The following ZBTB17 variants were observed in gnomAD, a reference collection of about 807,000 sequenced individuals.
ZBTB17 encodes zinc finger and BTB domain-containing protein 17.
In ZBTB17, 24 loss-of-function variants were observed where a neutral mutation model predicts 85.1. That is an observed-to-expected ratio of 0.28 (90% CI 0.20 to 0.40). ZBTB17 has a LOEUF of 0.40. Ranked by LOEUF, ZBTB17 falls within the 10% of genes least tolerant of loss-of-function variation. ZBTB17 has a pLI of 1.00. For missense variants in ZBTB17, 743 were observed against 1,105.1 expected (o/e 0.67, Z 4.65); for synonymous variants, 464 against 460.2 (o/e 1.01, Z -0.11).
chr1:15,944,120 G>C, intron 9 of ZBTB17, 180 bp downstream of exon 9: 1 of 1,112,794 alleles, frequency 9.0e-7, no homozygotes, highest in South Asian at 1.3e-5. Flanking sequence ...CCTGCCCTCC[G>C]CAGAGCAACC....
rs1175386958 is a variant in ZBTB17 at position 15,945,143 on chromosome 1, CTTGCTCCTCTTGCTCCTT to C, written c.703_720del (p.Lys235_Gln240del). 1.1e-5 allele frequency: 17 copies of C among 1,585,070 alleles called. No homozygotes were observed. Among genetic ancestry groups the C allele is most frequent in the Admixed American group, 1.8e-5 (1 of 55,754 alleles). The stretch of plus-strand genomic sequence containing the variant: ...TCAGCTGGCCCTGCGCCCTCCTCCT[CTTGCTCCTCTTGCTCCTT>C]TTGCTCCTCTTCCCCTTTCCGGGCG... On this transcript the variant is annotated inframe_deletion, in exon 7 of 16. Coordinates refer to ENST00000375743, the MANE Select transcript of ZBTB17 (RefSeq NM_003443.3).
chr1:15,941,930 C>T lies in ZBTB17; in HGVS notation c.*39G>A. 4 of 1,563,500 alleles carry T rather than the reference C, an allele frequency of 2.6e-6. No homozygotes were observed. The highest frequency in any genetic ancestry group is 3.5e-6 in the Non-Finnish European group (4 of 1,158,782). On this transcript the variant is annotated 3_prime_UTR_variant, in exon 16 of 16. Transcript: ENST00000375743. ...GGCCACCCTTCCCGGTTCCAGGGTG[C>T]CATCCATCCTTAAATAAACAGTCAG... is the stretch of plus-strand genomic sequence containing the variant.
rs1377001561 is a variant in ZBTB17 at position 15,952,586 on chromosome 1, A to G, written c.-2-4089T>C. Among the ~76,000 whole-genome samples, 1 of 152,254 alleles carries G rather than the reference A, an allele frequency of 6.6e-6. No individual in the cohort carries two copies. ...TGGATGGCCCAGAGACGACTCTGAC[A>G]TCAGGATGCTGGGACTGTGCCAATT... On this transcript the variant is annotated intron_variant, in intron 2 of 15. Transcript: ENST00000375743. This position sits in a 1 kb window ranked among gnomAD's most constrained non-coding sequence, Gnocchi z 4.3.
intron 2 of ZBTB17, among the ~76,000 whole-genome samples, chr1:15,960,701 C>A (rs1223792533): frequency 6.6e-6 from 1 of 152,214 alleles, no homozygotes; most frequent in Non-Finnish European, 1.5e-5. Context: ...AGAACAATCA[C>A]AAAGGAAGGG....
At chr1:15,970,312 G>A (rs1304294101) in intron 2 of ZBTB17, 2 of 246,736 alleles carry the variant, frequency 8.1e-6, no homozygotes, top group African/African-American at 2.3e-5. Context: ...CTGATGCTGA[G>A]AAGGAAAAAT....
chr1:15,957,178 CAAAAAAA>C (rs34574727), intron 2 of ZBTB17, among the ~76,000 whole-genome samples: 1 of 87,386 alleles, frequency 1.1e-5, no homozygotes, highest in Non-Finnish European at 2.4e-5. Flanking sequence ...GACTCCATCT[CAAAAAAA>C]AAAAAAAAAA....
At position 15,945,848 on chromosome 1, in the gene ZBTB17, G is replaced by A. The variant is rs2071581843; in HGVS notation, c.536-8C>T. ...TCTCTGTCTGCTCTGCACCTGGGTG[G>A]GGGAAGCACCGGAGGCTGGATTGCT... is the stretch of plus-strand genomic sequence containing the variant. On this transcript the variant is annotated splice_region_variant and splice_polypyrimidine_tract_variant and intron_variant, in intron 5 of 15. Coordinates refer to ENST00000375743, the MANE Select transcript of ZBTB17 (RefSeq NM_003443.3). 1 of 1,589,788 alleles carries A rather than the reference G, an allele frequency of 6.3e-7. No individual in the cohort carries two copies. Among genetic ancestry groups the A allele is most frequent in the African/African-American group, 1.3e-5 (1 of 74,826 alleles).
intron 2 of ZBTB17, among the ~76,000 whole-genome samples, chr1:15,949,895 TA>T (rs1441490474): frequency 2.0e-5 from 3 of 152,002 alleles, no homozygotes; most frequent in African/African-American, 7.3e-5. Context: ...ACGCAACAAA[TA>T]ACGGGGAGCA....
In ZBTB17 at chr1:15,953,193, T is replaced by G. The variant is rs1396513140; in HGVS notation, c.-2-4696A>C. Among the ~76,000 whole-genome samples, 1 of 151,616 alleles carries G rather than the reference T, an allele frequency of 6.6e-6. No individual in the cohort carries two copies. Among genetic ancestry groups the G allele is most frequent in the Non-Finnish European group, 1.5e-5 (1 of 68,022 alleles). ...TTAAAAAAATGTATTTTTTTTTTTT[T>G]GTAGAAGCAGGATTTCACCATGTTG... is the stretch of plus-strand genomic sequence containing the variant. On this transcript the variant is annotated intron_variant, in intron 2 of 15. Coordinates refer to ENST00000375743, the MANE Select transcript of ZBTB17 (RefSeq NM_003443.3). This position sits in a 1 kb window ranked among gnomAD's most constrained non-coding sequence, Gnocchi z 5.1.
At chr1:15,962,514 T>A (rs969649388) in intron 2 of ZBTB17, among the ~76,000 whole-genome samples, 3 of 152,036 alleles carry the variant, frequency 2.0e-5, no homozygotes, top group African/African-American at 7.2e-5. Flanking sequence ...ACTAATACAG[T>A]CACCCCCATT....
At chr1:15,965,068 C>G (rs575277786) in intron 2 of ZBTB17, among the ~76,000 whole-genome samples, 12 of 150,580 alleles carry the variant, frequency 8.0e-5, no homozygotes, top group African/African-American at 2.7e-4. Context: ...GAGCTGAGAT[C>G]GCGCCACTGC....
chr1:15,969,642 C>T lies in ZBTB17; in HGVS notation c.-3+3397G>A. On this transcript the variant is annotated intron_variant, in intron 2 of 15. Coordinates refer to ENST00000375743, the MANE Select transcript of ZBTB17 (RefSeq NM_003443.3). ...CAGGGCAGGGAGATGATAAATTGAC[C>T]ATTATCTCAGGATGTCTCTTTCTGA... The T allele has an allele frequency of 1.3e-5, 6 of 448,188 alleles. 1 individual carries two copies. Among genetic ancestry groups the T allele is most frequent in the Middle Eastern group, 1.3e-3 (2 of 1,482 alleles). The allele number at this position is 448,188 out of a possible 1,614,324, so 27.8% of individuals were successfully genotyped here.
chr1:15,971,780 A>G (rs1039001526), intron 2 of ZBTB17, among the ~76,000 whole-genome samples: 1 of 151,920 alleles, frequency 6.6e-6, no homozygotes, highest in Non-Finnish European at 1.5e-5. Flanking sequence ...TGTCATCCCT[A>G]TTTTACAGAT....
At chr1:15,974,110 G>A (rs1570233619) in intron 1 of ZBTB17, among the ~76,000 whole-genome samples, 1 of 151,074 alleles carries the variant, frequency 6.6e-6, no homozygotes, top group East Asian at 1.9e-4. Context: ...AGGATCACTT[G>A]AGTTCAGATC....
chr1:15,956,962 C>T (rs1044483699), intron 2 of ZBTB17, among the ~76,000 whole-genome samples: 31 of 152,048 alleles, frequency 2.0e-4, no homozygotes, highest in Non-Finnish European at 3.7e-4. Flanking sequence ...GGGTGGATCA[C>T]GAGGTCAGGA....
At chr1:15,950,467 T>G (rs1168679782) in intron 2 of ZBTB17, among the ~76,000 whole-genome samples, 1 of 152,150 alleles carries the variant, frequency 6.6e-6, no homozygotes, top group Non-Finnish European at 1.5e-5. Flanking sequence ...AGCACACAGG[T>G]GTGTGGGTGG....
At chr1:15,949,999 T>C (rs1274459346) in intron 2 of ZBTB17, among the ~76,000 whole-genome samples, 1 of 152,094 alleles carries the variant, frequency 6.6e-6, no homozygotes, top group Non-Finnish European at 1.5e-5. Context: ...AAACAGCTGT[T>C]CCCTCCCCCT....
intron 2 of ZBTB17, among the ~76,000 whole-genome samples, chr1:15,954,668 G>A (rs1049899095): frequency 1.3e-5 from 2 of 152,022 alleles, no homozygotes; most frequent in Non-Finnish European, 2.9e-5. Flanking sequence ...AGGCAACATG[G>A]TGAAACCCTG....
chr1:15,945,182 G>C lies in ZBTB17; in HGVS notation c.682C>G (p.Arg228Gly), dbSNP rs761831344. ...TCCTTTTGCTCCTCTTCCCCTTTCC[G>C]GGCGGGCTCCACCTCCATTTCTGCG... ...SEQEMEVEPA[R>G]KGEEEQKEQE... The change falls in exon 7 of 16, where the codon CGG becomes GGG. Residue 228 changes from arginine to glycine, a missense_variant. Arg to Gly is a moderately radical substitution (Grantham distance 125). Coordinates refer to ENST00000375743, the MANE Select transcript of ZBTB17 (RefSeq NM_003443.3). The C allele has an allele frequency of 1.4e-5, 22 of 1,556,598 alleles. No homozygotes were observed. The African/African-American group carries it at 2.9e-4, about 20-fold the overall frequency.
Sources: gnomAD v4.1 joint callset for allele counts (sites outside exome capture counted in the v4.1 genomes callset) on GRCh38, gnomAD v4.1.1 for gene constraint, Gnocchi (gnomAD v3.1) non-coding constraint, MANE v1.5 for transcripts, NCBI Gene and HGNC (gene_info 2026-07-23, HGNC 2026-07-21) for gene names.